The following COL12A1 variants were observed in gnomAD, a reference collection of about 807,000 sequenced individuals.
COL12A1 encodes collagen alpha-1(XII) chain.
COL12A1 carries 114 observed loss-of-function variants against 349.7 expected under a neutral mutation model. That is an observed-to-expected ratio of 0.33 (90% CI 0.28 to 0.38). The LOEUF (loss-of-function observed/expected upper bound fraction) is 0.38, where lower values mean the gene tolerates loss of function less well. Among genes scored for constraint, COL12A1 ranks in the 10% least tolerant of loss-of-function variants. The probability of loss-of-function intolerance (pLI) is 1.00; values close to 1 mark genes in which losing one functional copy is unlikely to be tolerated. For synonymous variants in COL12A1, 1,369 were observed against 1,329.0 expected, an observed-to-expected ratio of 1.03 and a Z score of -0.66; for missense variants, 3,284 against 3,756.9, an observed-to-expected ratio of 0.87 and a Z score of 3.29.
Position 75,115,781 on chromosome 6 carries a change from T to TA in COL12A1, c.7697+2dup, listed in dbSNP as rs1769046566. On this transcript the variant is annotated splice_region_variant and intron_variant, in intron 49 of 65. Transcript: ENST00000322507. ...AAGGAAAACCTCCTGTTGTCACACT[T>TA]ACGCTGTAGGCTGATTCACAAACGC... 1 of 1,599,568 alleles carries TA rather than the reference T, an allele frequency of 6.3e-7. No homozygotes were observed. The highest frequency in any genetic ancestry group is 8.5e-7 in the Non-Finnish European group (1 of 1,175,514).
intron 5 of COL12A1, among the ~76,000 whole-genome samples, chr6:75,190,820 G>A (rs1331094365): frequency 2.0e-5 from 3 of 151,830 alleles, no homozygotes; most frequent in African/African-American, 4.8e-5. Context: ...CTATTTAATA[G>A]GTGAATTTAA....
At chr6:75,143,135 T>C in intron 26 of COL12A1, 117 bp downstream of exon 26, 5 of 1,189,772 alleles carry the variant, frequency 4.2e-6, no homozygotes, top group Non-Finnish European at 4.8e-6. Context: ...TTTTCAACAC[T>C]GTGTTAACAA....
chr6:75,125,311 A>G lies in COL12A1; in HGVS notation c.6461-38T>C, dbSNP rs1172694710. ...CCACAAAAATACACAGAAACATGCC[A>G]TCAATAGCATGAAATTTTGCTTAAA... On this transcript the variant is annotated intron_variant, in intron 39 of 65. Transcript: ENST00000322507. 3 of 1,533,262 alleles carry G rather than the reference A, an allele frequency of 2.0e-6. No homozygotes were observed. The Admixed American group carries it at 6.2e-5, about 32-fold the overall frequency. The allele number at this position is 1,533,262 out of a possible 1,614,324, so 95.0% of individuals were successfully genotyped here. A position where few individuals can be genotyped will look rare whatever the true frequency, so the allele number is the denominator to read the frequency against.
chr6:75,137,636 A>G, intron 30 of COL12A1, 57 bp from the exon 31 acceptor site: 1 of 1,576,950 alleles, frequency 6.3e-7, no homozygotes, highest in Non-Finnish European at 8.7e-7. Context: ...CTCCCCCTAA[A>G]ATATATACAG....
rs368744457 is a variant in COL12A1, at chr6:75,086,517, G to A, written c.*30C>T. 2 of 1,602,846 alleles carry A rather than the reference G, an allele frequency of 1.2e-6. No individual in the cohort carries two copies. Among genetic ancestry groups the A allele is most frequent in the African/African-American group, 1.3e-5 (1 of 74,694 alleles). On this transcript the variant is annotated 3_prime_UTR_variant, in exon 66 of 66. Coordinates refer to ENST00000322507, the MANE Select transcript of COL12A1 (RefSeq NM_004370.6). The stretch of plus-strand genomic sequence containing the variant: ...AACAGGATTTTCATGTATTCAAACT[G>A]TAAGCAGCACTGGCGACTTAGAAAA...
At chr6:75,174,352 C>G (rs541568571) in intron 13 of COL12A1, among the ~76,000 whole-genome samples, 35 of 152,002 alleles carry the variant, frequency 2.3e-4, no homozygotes, top group Non-Finnish European at 7.4e-5. Flanking sequence ...GTCAGGAGAT[C>G]GAGATCATCC....
Position 75,192,319 on chromosome 6 carries a change from G to A in COL12A1, c.227C>T (p.Thr76Ile), listed in dbSNP as rs746079159. Residue 76 changes from threonine to isoleucine, a missense_variant, in exon 4 of 66, where the codon ACC (threonine) becomes ATC (isoleucine). Around this residue, in one of 2 missense-constraint regions of COL12A1, gnomAD observed 2,601 missense variants for 2,824.8 expected, o/e 0.92. Coordinates refer to ENST00000322507, the MANE Select transcript of COL12A1 (RefSeq NM_004370.6). Reference sequence around the variant, plus strand: ...AAGTTCTGACAATAAAGTTTCAGTGGTACTAGCTGAAAGGGTAAATTCTTT... The same window carrying A: ...AAGTTCTGACAATAAAGTTTCAGTGATACTAGCTGAAAGGGTAAATTCTTT... ...PTKEFTLSAS[T>I]TETLLSELVP... The A allele has an allele frequency of 6.8e-6, 11 of 1,611,444 alleles. No homozygotes were observed. In the East Asian group the frequency reaches 2.5e-4, roughly 36 times the overall value.
chr6:75,091,077 G>A lies in COL12A1; in HGVS notation c.8752+246C>T, dbSNP rs516533. ...TTAAAGATCTTAACTTAAAATATCTGATGTCTTAGTACTTAAGTTTACTGC... is the reference window on the plus strand; with the variant it reads ...TTAAAGATCTTAACTTAAAATATCTAATGTCTTAGTACTTAAGTTTACTGC... On this transcript the variant is annotated intron_variant, in intron 62 of 65. Transcript: ENST00000322507. 0.89 allele frequency among the ~76,000 whole-genome samples: 135,563 copies of A among 152,210 alleles called. 60,403 individuals carry two copies. The highest frequency in any genetic ancestry group is 0.91 in the Admixed American group (13,951 of 15,294).
At chr6:75,142,840 C>G (rs1457623376) in intron 26 of COL12A1, among the ~76,000 whole-genome samples, 2 of 152,200 alleles carry the variant, frequency 1.3e-5, no homozygotes, top group African/African-American at 4.8e-5. Flanking sequence ...CTGTGTCCTT[C>G]TCTAGTGTCC....
At chr6:75,151,080 A>T (rs1186351460) in intron 21 of COL12A1, 61 bp downstream of exon 21, 1 of 745,760 alleles carries the variant, frequency 1.3e-6, no homozygotes, top group Non-Finnish European at 1.9e-6. Flanking sequence ...ACCCAAAAGA[A>T]TAATTATTTG....
intron 13 of COL12A1, among the ~76,000 whole-genome samples, chr6:75,169,054 T>C (rs1582168454): frequency 6.6e-6 from 1 of 152,162 alleles, no homozygotes; most frequent in Non-Finnish European, 1.5e-5. Flanking sequence ...TGTTCACTGC[T>C]CTCTTCTCCC....
In COL12A1 at chr6:75,181,192, A is replaced by C. The variant is rs1562290675; in HGVS notation, c.1911T>G (p.Asp637Glu). The change falls in exon 11 of 66, where the codon GAT becomes GAG. Residue 637 changes from aspartate to glutamate, a missense_variant. Coordinates refer to ENST00000322507, the MANE Select transcript of COL12A1 (RefSeq NM_004370.6). ...IKKKAYVPPK[D>E]LSFSEVTSYG... Reference sequence around the variant, plus strand: ...AAGAAGTCACTTCTGAAAAACTAAGATCCTTTGGAGGGACGTAAGCTATTT... The same window carrying C: ...AAGAAGTCACTTCTGAAAAACTAAGCTCCTTTGGAGGGACGTAAGCTATTT... The C allele has an allele frequency of 5.0e-6, 8 of 1,605,248 alleles. No homozygotes were observed. The highest frequency in any genetic ancestry group is 6.8e-6 in the Non-Finnish European group (8 of 1,178,008).
rs367575408 is a variant in COL12A1 at position 75,091,129 on chromosome 6, T to C, written c.8752+194A>G. Among the ~76,000 whole-genome samples the C allele has an allele frequency of 3.9e-4, 60 of 152,354 alleles. No homozygotes were observed. In the East Asian group the frequency reaches 0.01, roughly 26 times the overall value. On this transcript the variant is annotated intron_variant, in intron 62 of 65. Coordinates refer to ENST00000322507, the MANE Select transcript of COL12A1 (RefSeq NM_004370.6). ...ATTATTTTACCTTGGGTTATTATTT[T>C]ATCTTAGTGACAATCTTTAAAATAT... is the stretch of plus-strand genomic sequence containing the variant.
At chr6:75,117,656 TGCA>T in intron 46 of COL12A1, 110 bp from the exon 47 acceptor site, 1 of 1,160,738 alleles carries the variant, frequency 8.6e-7, no homozygotes, top group South Asian at 1.7e-5. Context: ...TCTTAATGTA[TGCA>T]GCAAGTCCTT....
chr6:75,148,597 C>T (rs565082767), intron 21 of COL12A1, 100 bp from the exon 22 acceptor site: 1 of 981,530 alleles, frequency 1.0e-6, no homozygotes, highest in African/African-American at 1.6e-5. Context: ...ATATTCTAAG[C>T]TTTCACACAC....
intron 13 of COL12A1, 134 bp from the exon 14 acceptor site, chr6:75,165,913 T>C (rs1362739911): frequency 1.2e-6 from 1 of 819,654 alleles, no homozygotes; most frequent in African/African-American, 1.7e-5. Flanking sequence ...CCATTTCTTC[T>C]TTTTGAGTTG....
At position 75,091,455 on chromosome 6, in the gene COL12A1, A is replaced by AGGC. The variant is rs765050760; in HGVS notation, c.8685+34_8685+35insGCC. 5 of 1,612,766 alleles carry AGGC rather than the reference A, an allele frequency of 3.1e-6. No homozygotes were observed. The South Asian group carries it at 5.5e-5, about 18-fold the overall frequency. On this transcript the variant is annotated intron_variant, in intron 61 of 65. Coordinates refer to ENST00000322507, the MANE Select transcript of COL12A1 (RefSeq NM_004370.6). Reference sequence around the variant, plus strand: ...AGTTTTAGGCTTCAATGTTTAACACACAAAATAAACGTAAGATTTTTTAAA... The same window carrying AGGC: ...AGTTTTAGGCTTCAATGTTTAACACAGGCCAAAATAAACGTAAGATTTTTTAAA...
intron 31 of COL12A1, among the ~76,000 whole-genome samples, chr6:75,135,347 C>T (rs1338769567): frequency 6.6e-6 from 1 of 152,182 alleles, no homozygotes; most frequent in African/African-American, 2.4e-5. Flanking sequence ...CCCCCAAGAA[C>T]ACTGTCACTC....
rs1251118839 is a variant in COL12A1 at position 75,095,163 on chromosome 6, G to A, written c.8594C>T (p.Pro2865Leu). Reference protein sequence around the residue: ...PPGPPGSPGSPGVTGPSGKPG... With the variant: ...PPGPPGSPGSLGVTGPSGKPG... The stretch of plus-strand genomic sequence containing the variant: ...CTTCCCACTTGGTCCTGTGACTCCT[G>A]GGGAGCCTGGGCTTCCCTACAACAC... Residue 2865 changes from proline (P) to leucine (L), a missense_variant, in exon 60 of 66, where the codon CCA becomes CTA. Coordinates refer to ENST00000322507, the MANE Select transcript of COL12A1 (RefSeq NM_004370.6). The A allele has an allele frequency of 6.2e-7, 1 of 1,613,896 alleles. No individual in the cohort carries two copies. Among genetic ancestry groups the A allele is most frequent in the Non-Finnish European group, 8.5e-7 (1 of 1,179,916 alleles).
Sources: gnomAD v4.1 joint callset for allele counts (sites outside exome capture counted in the v4.1 genomes callset) on GRCh38, gnomAD v4.1.1 for gene constraint, gnomAD v4.1.1 regional missense constraint, MANE v1.5 for transcripts, NCBI Gene and HGNC (gene_info 2026-07-23, HGNC 2026-07-21) for gene names.